Variants in CNTNAP5 observed in about 807,000 individuals in gnomAD.
The protein encoded by CNTNAP5 is contactin associated protein family member 5.
In CNTNAP5, 72 loss-of-function variants were observed where a neutral mutation model predicts 150.2. The observed-to-expected ratio is 0.48, with a 90% CI of 0.40 to 0.58. The LOEUF (loss-of-function observed/expected upper bound fraction) is 0.58. CNTNAP5 is among the 20% of genes least tolerant of loss of function. CNTNAP5 has a pLI of 0.00. For missense variants in CNTNAP5, 1,636 were observed against 1,626.2 expected, an observed-to-expected ratio of 1.01 and a Z score of -0.10; for synonymous variants, 672 against 619.8, an observed-to-expected ratio of 1.08 and a Z score of -1.25.
intron 19 of CNTNAP5, among the ~76,000 whole-genome samples, chr2:124,822,999 T>G (rs780285579): frequency 6.6e-6 from 1 of 152,218 alleles, no homozygotes; most frequent in Admixed American, 6.5e-5. Flanking sequence ...GGCATGTTTC[T>G]TGTCTTCAAC....
chr2:124,631,993 C>A (rs1220732000), intron 12 of CNTNAP5, among the ~76,000 whole-genome samples: 2 of 151,988 alleles, frequency 1.3e-5, no homozygotes, highest in Admixed American at 6.6e-5. Flanking sequence ...TAGAGAAATA[C>A]AAATCAAAAC....
At chr2:124,537,768 G>A (rs1206889204) in intron 10 of CNTNAP5, among the ~76,000 whole-genome samples, 6 of 152,156 alleles carry the variant, frequency 3.9e-5, no homozygotes, top group African/African-American at 7.2e-5. Context: ...CCTTGAACAA[G>A]TGCATCTGTG....
intron 3 of CNTNAP5, among the ~76,000 whole-genome samples, chr2:124,391,827 G>C (rs540953768): frequency 6.6e-6 from 1 of 152,248 alleles, no homozygotes; most frequent in African/African-American, 2.4e-5. Flanking sequence ...GCGGTGGCGG[G>C]CGCCTGTAGT....
At chr2:124,401,199 C>T (rs1820931) in intron 3 of CNTNAP5, among the ~76,000 whole-genome samples, 71,096 of 152,020 alleles carry the variant, frequency 0.47, 18,134 homozygotes, top group South Asian at 0.61. Flanking sequence ...GCAGAAGTCA[C>T]GCAAAATCCA....
At chr2:124,561,836 T>A (rs1254030425) in intron 10 of CNTNAP5, among the ~76,000 whole-genome samples, 1 of 152,204 alleles carries the variant, frequency 6.6e-6, no homozygotes, top group Admixed American at 6.5e-5. Context: ...TTGCCTCAGA[T>A]TCTTAGTGGC....
intron 1 of CNTNAP5, among the ~76,000 whole-genome samples, chr2:124,213,920 G>A (rs1310026928): frequency 3.3e-5 from 5 of 152,134 alleles, no homozygotes; most frequent in Non-Finnish European, 5.9e-5. Context: ...AATTCAAGAA[G>A]GAAAGAGCTA....
chr2:124,200,127 C>T (rs906857491), intron 1 of CNTNAP5, among the ~76,000 whole-genome samples: 1 of 152,156 alleles, frequency 6.6e-6, no homozygotes, highest in East Asian at 1.9e-4. Context: ...CCCTTCCAAT[C>T]CTAATTTGCT....
intron 21 of CNTNAP5, among the ~76,000 whole-genome samples, chr2:124,894,499 G>T (rs902606109): frequency 6.6e-6 from 1 of 150,924 alleles, no homozygotes; most frequent in African/African-American, 2.5e-5. Context: ...CAGTCCCAAA[G>T]AAATGAGATT....
chr2:124,789,897 C>T lies in CNTNAP5; in HGVS notation c.2753-5C>T, dbSNP rs1558776700. 2 of 1,612,994 alleles carry T rather than the reference C, an allele frequency of 1.2e-6. No homozygotes were observed. Among genetic ancestry groups the T allele is most frequent in the Admixed American group, 3.3e-5 (2 of 59,960 alleles). On this transcript the variant is annotated splice_region_variant and splice_polypyrimidine_tract_variant and intron_variant, in intron 17 of 23. Coordinates refer to ENST00000682447, the MANE Select transcript of CNTNAP5 (RefSeq NM_001367498.1). The stretch of plus-strand genomic sequence containing the variant: ...ACATTTGTTTCCTTTTATTTAACCT[C>T]TTAGGGGGAACGTCATCCAGACAGA...
intron 1 of CNTNAP5, among the ~76,000 whole-genome samples, chr2:124,163,863 G>GA (rs5834046): frequency 0.97 from 144,397 of 149,554 alleles, 69,861 homozygotes; most frequent in Non-Finnish European, 1. Flanking sequence ...ATGCCTCTAA[G>GA]AAAAAAAAAA....
intron 21 of CNTNAP5, among the ~76,000 whole-genome samples, chr2:124,901,483 A>G (rs1194513238): frequency 6.6e-6 from 1 of 152,160 alleles, no homozygotes; most frequent in Non-Finnish European, 1.5e-5. Context: ...TTGCCTTGAA[A>G]TAGAGAAGGA....
chr2:124,039,970 G>C (rs1036597089), intron 1 of CNTNAP5, among the ~76,000 whole-genome samples: 2 of 152,020 alleles, frequency 1.3e-5, no homozygotes, highest in African/African-American at 4.8e-5. Context: ...TCTGGTAACT[G>C]TCAAGATTTA....
chr2:124,864,909 T>A (rs575653307), intron 19 of CNTNAP5, among the ~76,000 whole-genome samples: 94 of 152,222 alleles, frequency 6.2e-4, no homozygotes, highest in African/African-American at 2.1e-3. Flanking sequence ...TTCCAGTCCT[T>A]AGATATAAAA....
At chr2:124,564,442 G>T (rs1479594212) in intron 11 of CNTNAP5, among the ~76,000 whole-genome samples, 1 of 152,092 alleles carries the variant, frequency 6.6e-6, no homozygotes, top group Non-Finnish European at 1.5e-5. Context: ...TGGAACCTCC[G>T]CCTCCTGGTT....
chr2:124,625,383 A>G (rs1366496051), intron 12 of CNTNAP5, among the ~76,000 whole-genome samples: 3 of 151,688 alleles, frequency 2.0e-5, no homozygotes, highest in Non-Finnish European at 4.4e-5. Context: ...TTAAGACGCT[A>G]TTTTCTAGGC....
At chr2:124,574,586 A>G (rs1219574227) in intron 11 of CNTNAP5, among the ~76,000 whole-genome samples, 1 of 152,218 alleles carries the variant, frequency 6.6e-6, no homozygotes, top group Non-Finnish European at 1.5e-5. Flanking sequence ...CAGCTCTTTC[A>G]GCTTCCCCTT....
At chr2:124,161,715 A>G (rs1377987976) in intron 1 of CNTNAP5, among the ~76,000 whole-genome samples, 2 of 152,216 alleles carry the variant, frequency 1.3e-5, no homozygotes, top group Non-Finnish European at 2.9e-5. Context: ...ATCAAAAAAA[A>G]GAAAAGGACA....
intron 19 of CNTNAP5, among the ~76,000 whole-genome samples, chr2:124,864,622 AAT>A (rs1215430043): frequency 6.6e-6 from 1 of 150,740 alleles, no homozygotes; most frequent in Non-Finnish European, 1.5e-5. Flanking sequence ...TTCTATTTTT[AAT>A]ATGTCTCCTG....
chr2:124,828,241 C>A (rs927818824), intron 19 of CNTNAP5, among the ~76,000 whole-genome samples: 1 of 152,032 alleles, frequency 6.6e-6, no homozygotes, highest in Admixed American at 6.6e-5. Context: ...CAGCACTTTG[C>A]GAGGCCGAGA....
Sources: gnomAD v4.1 joint callset for allele counts (sites outside exome capture counted in the v4.1 genomes callset) on GRCh38, gnomAD v4.1.1 for gene constraint, MANE v1.5 for transcripts, NCBI Gene and HGNC (gene_info 2026-07-23, HGNC 2026-07-21) for gene names.